The following IGSF11 variants were observed in gnomAD, a reference collection of about 807,000 sequenced individuals.
IGSF11 encodes immunoglobulin superfamily member 11.
IGSF11 carries 22 observed loss-of-function variants against 41.0 expected under a neutral mutation model. The ratio of observed to expected loss-of-function variants is 0.54; its 90% CI spans 0.38 to 0.77. The LOEUF (loss-of-function observed/expected upper bound fraction) is 0.77. IGSF11 is among the 30% of genes least tolerant of loss of function. The probability of loss-of-function intolerance (pLI) is 0.00; values close to 1 mark genes in which losing one functional copy is unlikely to be tolerated. For missense variants in IGSF11, 444 were observed against 530.8 expected (o/e 0.84, Z 1.61); for synonymous variants, 219 against 201.3 (o/e 1.09, Z -0.74).
At chr3:118,941,461 C>T (rs1388906265) in intron 1 of IGSF11, among the ~76,000 whole-genome samples, 1 of 152,064 alleles carries the variant, frequency 6.6e-6, no homozygotes, top group Non-Finnish European at 1.5e-5. Context: ...TATATTAACA[C>T]GACAATGCTA....
chr3:118,936,270 G>T (rs146105863), intron 1 of IGSF11, among the ~76,000 whole-genome samples: 3,807 of 152,162 alleles, frequency 0.025, 138 homozygotes, highest in African/African-American at 0.087. Flanking sequence ...ACTTTGGGAG[G>T]CTGAGGCAGG....
intron 1 of IGSF11, among the ~76,000 whole-genome samples, chr3:119,118,446 T>C (rs577956754): frequency 6.6e-6 from 1 of 152,194 alleles, no homozygotes; most frequent in Non-Finnish European, 1.5e-5. Context: ...ACAGCTGGAG[T>C]GGCTGGGATG....
chr3:119,084,752 T>C (rs2076642978), intron 1 of IGSF11, among the ~76,000 whole-genome samples: 1 of 152,244 alleles, frequency 6.6e-6, no homozygotes, highest in Non-Finnish European at 1.5e-5. Flanking sequence ...GAGTGCATTC[T>C]GGCAGTTTGT....
intron 1 of IGSF11, among the ~76,000 whole-genome samples, chr3:118,937,764 G>T (rs1297923077): frequency 6.6e-6 from 1 of 152,168 alleles, no homozygotes; most frequent in Non-Finnish European, 1.5e-5. Context: ...TCTGGCTGAA[G>T]CATTAAACAT....
intron 1 of IGSF11, among the ~76,000 whole-genome samples, chr3:119,128,084 C>A (rs892753616): frequency 6.6e-6 from 1 of 152,142 alleles, no homozygotes; most frequent in Admixed American, 6.5e-5. Context: ...TGGGACTGGG[C>A]ACAGTGACTC....
rs1255770887 is a variant in IGSF11, at chr3:118,980,017, A to C, written c.53-49742T>G. On this transcript the variant is annotated intron_variant, in intron 1 of 6. Coordinates refer to ENST00000393775, the MANE Select transcript of IGSF11 (RefSeq NM_001015887.3). ...AATTAAAAAAAGCAAGAAATAGCAG[A>C]TGTTAGTGAGGATGTGGAGAAAAGG... Among the ~76,000 whole-genome samples, 3 of 152,192 alleles carry C rather than the reference A, an allele frequency of 2.0e-5. No homozygotes were observed. The East Asian group carries it at 5.8e-4, about 29-fold the overall frequency.
chr3:119,026,372 G>GACA (rs1939827466), intron 1 of IGSF11, among the ~76,000 whole-genome samples: 1 of 152,134 alleles, frequency 6.6e-6, no homozygotes, highest in Non-Finnish European at 1.5e-5. Context: ...AGCATTTCAA[G>GACA]TACAGTCCAT....
chr3:118,956,897 T>A (rs11919143), intron 1 of IGSF11, among the ~76,000 whole-genome samples: 47,663 of 151,984 alleles, frequency 0.31, 8,527 homozygotes, highest in African/African-American at 0.47. Context: ...AAATGTAATA[T>A]CTGTGAAGCA....
At chr3:118,911,668 AAGAGGAG>A (rs961233184) in intron 4 of IGSF11, among the ~76,000 whole-genome samples, 2 of 151,662 alleles carry the variant, frequency 1.3e-5, no homozygotes, top group African/African-American at 4.9e-5. Flanking sequence ...AGAGAGAACA[AAGAGGAG>A]AGAGGAGAGA....
chr3:118,964,400 GA>G (rs945247209), intron 1 of IGSF11, among the ~76,000 whole-genome samples: 2 of 151,902 alleles, frequency 1.3e-5, no homozygotes, highest in Admixed American at 6.6e-5. Context: ...GCTAAAGAGG[GA>G]AAAAAAGGGG....
intron 1 of IGSF11, among the ~76,000 whole-genome samples, chr3:118,994,221 T>C (rs374225330): frequency 6.6e-6 from 1 of 152,214 alleles, no homozygotes; most frequent in African/African-American, 2.4e-5. Context: ...GAGAACTCAA[T>C]GTATACATCC....
chr3:119,085,039 T>C (rs1026707716), intron 1 of IGSF11, among the ~76,000 whole-genome samples: 2 of 152,282 alleles, frequency 1.3e-5, no homozygotes, highest in Non-Finnish European at 1.5e-5. Context: ...CTGGACCTCT[T>C]CTGGAGGGAG....
intron 1 of IGSF11, among the ~76,000 whole-genome samples, chr3:119,134,163 G>T (rs1326859732): frequency 6.7e-6 from 1 of 149,984 alleles, no homozygotes; most frequent in African/African-American, 2.5e-5. Context: ...ACAAGACAAG[G>T]ATGCCCTCTC....
chr3:119,032,800 T>C (rs951430675), intron 1 of IGSF11, among the ~76,000 whole-genome samples: 2 of 152,242 alleles, frequency 1.3e-5, no homozygotes, highest in African/African-American at 4.8e-5. Flanking sequence ...TGTGCATGCT[T>C]ACAGCCTGTT....
At chr3:119,044,430 C>T (rs1467782820) in intron 1 of IGSF11, among the ~76,000 whole-genome samples, 1 of 151,856 alleles carries the variant, frequency 6.6e-6, no homozygotes, top group Non-Finnish European at 1.5e-5. Flanking sequence ...AATGACCAAA[C>T]ATAAGAATAA....
intron 1 of IGSF11, among the ~76,000 whole-genome samples, chr3:118,971,848 A>G (rs1212034259): frequency 6.6e-6 from 1 of 151,998 alleles, no homozygotes; most frequent in African/African-American, 2.4e-5. Context: ...GGATAGAAGA[A>G]ACTTCTGCTC....
intron 1 of IGSF11, among the ~76,000 whole-genome samples, chr3:119,058,995 G>A (rs1941959255): frequency 6.6e-6 from 1 of 151,568 alleles, no homozygotes; most frequent in South Asian, 2.1e-4. Context: ...GAGAGGGGAG[G>A]GATAGCATTA....
chr3:118,908,691 A>T (rs1386469908), intron 4 of IGSF11, among the ~76,000 whole-genome samples: 1 of 152,230 alleles, frequency 6.6e-6, no homozygotes, highest in Admixed American at 6.5e-5. Context: ...GTTCATAGCA[A>T]CTATGCACTT....
intron 1 of IGSF11, among the ~76,000 whole-genome samples, chr3:119,053,056 G>A (rs1360661971): frequency 6.6e-6 from 1 of 152,146 alleles, no homozygotes; most frequent in Non-Finnish European, 1.5e-5. Flanking sequence ...ATGGGGAAAA[G>A]TTGAAAGCTT....
Sources: allele counts gnomAD v4.1 joint callset (sites outside exome capture counted in the v4.1 genomes callset), GRCh38; gene constraint gnomAD v4.1.1; transcripts MANE v1.5; gene names NCBI Gene and HGNC (gene_info 2026-07-23, HGNC 2026-07-21).